The following ATE1 variants were observed in gnomAD, a reference collection of about 807,000 sequenced individuals.
ATE1 encodes arginyl-tRNA--protein transferase 1.
ATE1 carries 36 observed loss-of-function variants against 70.5 expected under a neutral mutation model. The ratio of observed to expected loss-of-function variants is 0.51; its 90% CI spans 0.39 to 0.67. The LOEUF (loss-of-function observed/expected upper bound fraction) is 0.67, where lower values mean the gene tolerates loss of function less well. ATE1 is among the 30% of genes least tolerant of loss of function. ATE1 has a pLI of 0.00. For missense variants in ATE1, 593 were observed against 629.5 expected (o/e 0.94, Z 0.62); for synonymous variants, 232 against 219.3 (o/e 1.06, Z -0.51).
intron 8 of ATE1, among the ~76,000 whole-genome samples, chr10:121,867,605 A>G (rs1949707445): frequency 6.6e-6 from 1 of 152,134 alleles, no homozygotes; most frequent in East Asian, 1.9e-4. Flanking sequence ...AAAAGCTACC[A>G]ATGCACCTCT....
At chr10:121,864,162 CA>C (rs1949577332) in intron 8 of ATE1, among the ~76,000 whole-genome samples, 1 of 152,176 alleles carries the variant, frequency 6.6e-6, no homozygotes, top group African/African-American at 2.4e-5. Flanking sequence ...TGTATGACAG[CA>C]GTCCCCAACC....
At chr10:121,754,331 A>C (rs1211782429) in intron 11 of ATE1, among the ~76,000 whole-genome samples, 2 of 152,236 alleles carry the variant, frequency 1.3e-5, no homozygotes, top group African/African-American at 4.8e-5. Context: ...AGTCAGAGAA[A>C]GTATAAGATG....
At chr10:121,849,004 AG>A (rs936177085) in intron 8 of ATE1, among the ~76,000 whole-genome samples, 1 of 151,980 alleles carries the variant, frequency 6.6e-6, no homozygotes, top group African/African-American at 2.4e-5. Context: ...TGAGGTCAGG[AG>A]TTGAAGACCA....
intron 8 of ATE1, among the ~76,000 whole-genome samples, chr10:121,864,956 G>C (rs1373183792): frequency 6.6e-6 from 1 of 152,146 alleles, no homozygotes; most frequent in Non-Finnish European, 1.5e-5. Context: ...CATGCTGATA[G>C]TACCAAGGTT....
chr10:121,782,635 CTGAG>C (rs1946041459), intron 11 of ATE1: 1 of 152,200 alleles, frequency 6.6e-6, no homozygotes, highest in Non-Finnish European at 1.5e-5. Context: ...ATGGTTAATA[CTGAG>C]TGTCAACTTG....
At chr10:121,780,144 T>C (rs1382845655) in intron 11 of ATE1, among the ~76,000 whole-genome samples, 4 of 152,178 alleles carry the variant, frequency 2.6e-5, no homozygotes, top group African/African-American at 9.7e-5. Flanking sequence ...ACATGTCCAA[T>C]TGCCTCCTTG....
At chr10:121,744,665 C>A (rs1357841246) in intron 11 of ATE1, among the ~76,000 whole-genome samples, 1 of 152,186 alleles carries the variant, frequency 6.6e-6, no homozygotes, top group Non-Finnish European at 1.5e-5. Context: ...GTTCCTACAG[C>A]TTTCATGGAA....
intron 11 of ATE1, among the ~76,000 whole-genome samples, chr10:121,758,721 T>C (rs1237532268): frequency 1.3e-5 from 2 of 152,186 alleles, no homozygotes; most frequent in Admixed American, 6.5e-5. Context: ...TCCAAGAGTA[T>C]GTGTTTACTT....
At chr10:121,912,619 T>G (rs568024384) in intron 4 of ATE1, among the ~76,000 whole-genome samples, 2 of 151,278 alleles carry the variant, frequency 1.3e-5, no homozygotes, top group East Asian at 4.0e-4. Flanking sequence ...GCCACTGCAC[T>G]CCAGCCCGGG....
intron 11 of ATE1, among the ~76,000 whole-genome samples, chr10:121,768,970 C>T (rs539665002): frequency 6.6e-6 from 1 of 151,514 alleles, no homozygotes; most frequent in East Asian, 1.9e-4. Flanking sequence ...GATGTCAATT[C>T]TCCCCAAATT....
At chr10:121,813,891 T>C (rs1361520885) in intron 10 of ATE1, among the ~76,000 whole-genome samples, 3 of 152,170 alleles carry the variant, frequency 2.0e-5, no homozygotes, top group Admixed American at 2.0e-4. Flanking sequence ...AGGGACTCTA[T>C]CTTTGACATA....
chr10:121,743,583 T>C lies in ATE1; in HGVS notation c.*97A>G. The C allele has an allele frequency of 1.4e-6, 2 of 1,399,248 alleles. No homozygotes were observed. Among genetic ancestry groups the C allele is most frequent in the Non-Finnish European group, 1.9e-6 (2 of 1,079,230 alleles). The allele number at this position is 1,399,248 out of a possible 1,614,324, so 86.7% of individuals were successfully genotyped here. ...TAGTCAAAATAAAAAATGTCTAATT[T>C]GTGGGTGGTGACAGTTATTTCCCCA... is the stretch of plus-strand genomic sequence containing the variant. On this transcript the variant is annotated 3_prime_UTR_variant, in exon 12 of 12. Transcript: ENST00000224652.
At chr10:121,873,593 G>A (rs1396338456) in intron 7 of ATE1, among the ~76,000 whole-genome samples, 1 of 151,164 alleles carries the variant, frequency 6.6e-6, no homozygotes, top group Non-Finnish European at 1.5e-5. Context: ...CTTTTTCTAA[G>A]TATAGGGGTA....
intron 1 of ATE1, among the ~76,000 whole-genome samples, chr10:121,925,278 G>A (rs1952040177): frequency 6.6e-6 from 1 of 151,946 alleles, no homozygotes; most frequent in Non-Finnish European, 1.5e-5. Flanking sequence ...AAATTAGCCG[G>A]GAATGGTGGC....
intron 10 of ATE1, among the ~76,000 whole-genome samples, chr10:121,828,849 T>C (rs1948125500): frequency 6.6e-6 from 1 of 152,262 alleles, no homozygotes; most frequent in Non-Finnish European, 1.5e-5. Context: ...TTTTGTGTTA[T>C]TTCAGACCTG....
Position 121,841,173 on chromosome 10 carries a change from T to C in ATE1, c.1066A>G (p.Ile356Val). Residue 356 changes from isoleucine to valine, a missense_variant, in exon 9 of 12, where the codon ATT becomes GTT. Coordinates refer to ENST00000224652, the MANE Select transcript of ATE1 (RefSeq NM_001001976.3). The part of the protein sequence containing the change: ...LDGKIIAVGV[I>V]DILPNCVSSV... The stretch of plus-strand genomic sequence containing the variant: ...GATACACAGTTTGGGAGGATGTCAA[T>C]CACCCCCACAGCAATGATCTTTCCG... 6.2e-7 allele frequency: 1 copy of C among 1,602,942 alleles called. No homozygotes were observed. The highest frequency in any genetic ancestry group is 8.5e-7 in the Non-Finnish European group (1 of 1,172,886).
At chr10:121,757,231 C>G (rs1448264697) in intron 11 of ATE1, among the ~76,000 whole-genome samples, 1 of 152,208 alleles carries the variant, frequency 6.6e-6, no homozygotes, top group East Asian at 1.9e-4. Context: ...AGTTCCTCAT[C>G]TCCATTTGAG....
chr10:121,907,330 T>G (rs574791323), intron 5 of ATE1, among the ~76,000 whole-genome samples: 2 of 152,060 alleles, frequency 1.3e-5, no homozygotes, highest in East Asian at 3.9e-4. Flanking sequence ...CCAGGTGTGG[T>G]GGTGCACACC....
chr10:121,895,949 C>A (rs1466371848), intron 7 of ATE1, among the ~76,000 whole-genome samples: 2 of 151,816 alleles, frequency 1.3e-5, no homozygotes, highest in African/African-American at 4.8e-5. Flanking sequence ...CAAACATGTA[C>A]TAAGCATTAA....
Sources: allele counts gnomAD v4.1 joint callset (sites outside exome capture counted in the v4.1 genomes callset), GRCh38; gene constraint gnomAD v4.1.1; transcripts MANE v1.5; gene names NCBI Gene and HGNC (gene_info 2026-07-23, HGNC 2026-07-21).